The following SDK1 variants were observed in gnomAD, a reference collection of about 807,000 sequenced individuals.
The protein encoded by SDK1 is sidekick cell adhesion molecule 1, also known as protein sidekick-1.
In SDK1, 157 loss-of-function variants were observed where a neutral mutation model predicts 245.5. The observed-to-expected ratio is 0.64, with a 90% CI of 0.56 to 0.73. The LOEUF (loss-of-function observed/expected upper bound fraction) is 0.73. SDK1 is among the 30% of genes least tolerant of loss of function. The pLI is 0.00. For missense variants in SDK1, 3,583 were observed against 3,002.3 expected (o/e 1.19, Z -4.52); for synonymous variants, 1,647 against 1,278.5 (o/e 1.29, Z -6.15).
intron 14 of SDK1, among the ~76,000 whole-genome samples, chr7:4,002,519 C>A (rs900958935): frequency 2.0e-5 from 3 of 151,812 alleles, no homozygotes; most frequent in Non-Finnish European, 4.4e-5. Context: ...AAGCATTGAA[C>A]AACAATGAGA....
intron 4 of SDK1, among the ~76,000 whole-genome samples, chr7:3,789,672 C>A (rs1326900477): frequency 6.6e-6 from 1 of 152,166 alleles, no homozygotes; most frequent in Non-Finnish European, 1.5e-5. Flanking sequence ...ATCATCTCTT[C>A]CTCCTGAAAC....
intron 40 of SDK1, chr7:4,233,043 T>A: frequency 1.9e-6 from 1 of 520,122 alleles, no homozygotes; most frequent in East Asian, 3.0e-5. Flanking sequence ...ATTGAGCACG[T>A]TGTTCTACAA....
chr7:4,062,469 T>C (rs751584816), intron 19 of SDK1, among the ~76,000 whole-genome samples: 5 of 152,080 alleles, frequency 3.3e-5, no homozygotes, highest in African/African-American at 4.8e-5. Context: ...CAGTAATAAC[T>C]CTCCCAACAA....
chr7:3,795,727 A>G (rs1344367613), intron 4 of SDK1, among the ~76,000 whole-genome samples: 1 of 152,210 alleles, frequency 6.6e-6, no homozygotes, highest in East Asian at 1.9e-4. Flanking sequence ...TTTCTGAAGC[A>G]TCAACTCTGA....
intron 20 of SDK1, among the ~76,000 whole-genome samples, chr7:4,074,901 TA>T (rs1562770585): frequency 8.4e-5 from 7 of 83,328 alleles, no homozygotes; most frequent in African/African-American, 4.7e-4. Context: ...TATATATATA[TA>T]TATATATATA....
At chr7:3,536,710 A>C (rs1485189841) in intron 1 of SDK1, among the ~76,000 whole-genome samples, 1 of 152,024 alleles carries the variant, frequency 6.6e-6, no homozygotes, top group Non-Finnish European at 1.5e-5. Context: ...AAAAACAAAA[A>C]CAAAAAACAA....
intron 1 of SDK1, among the ~76,000 whole-genome samples, chr7:3,572,009 A>C (rs1780131887): frequency 6.6e-6 from 1 of 152,062 alleles, no homozygotes; most frequent in African/African-American, 2.4e-5. Flanking sequence ...CTTATTGAAC[A>C]TGTACGTACA....
chr7:4,220,266 C>T lies in SDK1; in HGVS notation c.5697C>T (p.Ala1899=), dbSNP rs145700710. The change falls in exon 39 of 45, where the codon GCC becomes GCT. Residue 1899 remains alanine, a synonymous_variant. Transcript: ENST00000404826. ...ELQANITAGP[A]EGSPGSPRDV... is the part of the protein sequence containing the mutation. ...AAGCCAATATCACAGCCGGGCCAGC[C>T]GAGGGTAAGTGGAACTCCAGGGGCA... is the stretch of plus-strand genomic sequence containing the variant. 73 of 1,613,052 alleles carry T rather than the reference C, an allele frequency of 4.5e-5. 1 individual carries two copies. The highest frequency in any genetic ancestry group is 1.7e-4 in the Middle Eastern group (1 of 6,014).
At chr7:4,006,956 C>T (rs1391201360) in intron 14 of SDK1, among the ~76,000 whole-genome samples, 2 of 152,254 alleles carry the variant, frequency 1.3e-5, no homozygotes, top group Non-Finnish European at 2.9e-5. Flanking sequence ...CTCTGCCTCT[C>T]CCGCAGTCTG....
At chr7:3,419,672 G>A (rs1023561173) in intron 1 of SDK1, among the ~76,000 whole-genome samples, 1 of 152,138 alleles carries the variant, frequency 6.6e-6, no homozygotes, top group African/African-American at 2.4e-5. Flanking sequence ...TATGTTTCTA[G>A]TTCTGACAAC....
intron 1 of SDK1, among the ~76,000 whole-genome samples, chr7:3,560,376 T>A (rs1426751098): frequency 2.6e-5 from 4 of 152,254 alleles, no homozygotes; most frequent in Non-Finnish European, 5.9e-5. Context: ...CAAGTGTGTT[T>A]TTCCAGTTGA....
intron 14 of SDK1, among the ~76,000 whole-genome samples, chr7:4,001,035 C>T (rs950919556): frequency 6.6e-6 from 1 of 152,196 alleles, no homozygotes; most frequent in Non-Finnish European, 1.5e-5. Context: ...CCCAGGGTGG[C>T]TCCCACATCC....
At chr7:3,835,878 C>T (rs1006667875) in intron 5 of SDK1, among the ~76,000 whole-genome samples, 1 of 152,208 alleles carries the variant, frequency 6.6e-6, no homozygotes, top group Non-Finnish European at 1.5e-5. Flanking sequence ...CTGCCACTTA[C>T]ATTTTCAAAC....
At chr7:3,751,463 G>A (rs544748935) in intron 4 of SDK1, among the ~76,000 whole-genome samples, 4 of 149,028 alleles carry the variant, frequency 2.7e-5, no homozygotes, top group East Asian at 2.0e-4. Context: ...GGTGGGGGGA[G>A]GAGGGAGGAG....
intron 20 of SDK1, among the ~76,000 whole-genome samples, chr7:4,068,385 G>A (rs769114244): frequency 5.9e-5 from 9 of 152,150 alleles, no homozygotes; most frequent in Non-Finnish European, 1.3e-4. Flanking sequence ...GGCACTGAGC[G>A]CTCCTGTGGG....
chr7:3,583,483 T>A (rs1331256498), intron 1 of SDK1, among the ~76,000 whole-genome samples: 2 of 152,292 alleles, frequency 1.3e-5, no homozygotes, highest in East Asian at 3.9e-4. Context: ...AGCTAAGACA[T>A]TGGAATCCAC....
At chr7:3,399,353 TAAAG>T (rs1778820260) in intron 1 of SDK1, among the ~76,000 whole-genome samples, 2 of 152,100 alleles carry the variant, frequency 1.3e-5, no homozygotes, top group African/African-American at 4.8e-5. Flanking sequence ...TTGTGAGAGT[TAAAG>T]AATTAAAGGA....
chr7:3,548,167 A>T (rs1178418480), intron 1 of SDK1, among the ~76,000 whole-genome samples: 2 of 152,228 alleles, frequency 1.3e-5, no homozygotes, highest in South Asian at 2.1e-4. Context: ...AATAGATTAG[A>T]GATTCAAGTA....
chr7:4,009,475 G>A (rs1785765292), intron 14 of SDK1, among the ~76,000 whole-genome samples: 1 of 152,226 alleles, frequency 6.6e-6, no homozygotes, highest in Admixed American at 6.5e-5. Context: ...GGAAGTTGCT[G>A]TGAGTTCTTC....
Sources: allele counts gnomAD v4.1 joint callset (sites outside exome capture counted in the v4.1 genomes callset), GRCh38; gene constraint gnomAD v4.1.1; transcripts MANE v1.5; gene names NCBI Gene and HGNC (gene_info 2026-07-23, HGNC 2026-07-21).